ANK3: variants seen among roughly 807,000 people sequenced by gnomAD.
The protein encoded by ANK3 is ankyrin-3.
In ANK3, 57 loss-of-function variants were observed where a neutral mutation model predicts 370.9. That is an observed-to-expected ratio of 0.15 (90% CI 0.12 to 0.19). ANK3 has a LOEUF of 0.19. ANK3 is among the 10% of genes least tolerant of loss of function. ANK3 has a pLI of 1.00. For missense variants in ANK3, 4,439 were observed against 5,302.1 expected (o/e 0.84, Z 5.06); for synonymous variants, 1,929 against 1,946.3 (o/e 0.99, Z 0.23).
At chr10:60,043,253 A>C in intron 42 of ANK3, 1 of 985,654 alleles carries the variant, frequency 1.0e-6, no homozygotes, top group Non-Finnish European at 1.2e-6. Context: ...TCCTCTCTTC[A>C]CTGAGCATCA....
chr10:60,278,098 A>G (rs1384607481), intron 4 of ANK3, among the ~76,000 whole-genome samples: 1 of 152,230 alleles, frequency 6.6e-6, no homozygotes, highest in East Asian at 1.9e-4. Context: ...TAGAAATTCA[A>G]TGAAAGACCA....
intron 2 of ANK3, among the ~76,000 whole-genome samples, chr10:60,542,127 T>C (rs1184357364): frequency 6.6e-6 from 1 of 151,912 alleles, no homozygotes; most frequent in Non-Finnish European, 1.5e-5. Flanking sequence ...GGCTGTAATT[T>C]TTTTTAATCC....
rs560345457 is a variant in ANK3, at chr10:60,542,008, C to T, written c.96+73178G>A. ...CTGAGCTGCCATAGATTAGCGTGCT[C>T]TTAATTTGTAAACTAATTTGTAGTT... On this transcript the variant is annotated intron_variant, in intron 2 of 43. Coordinates refer to the ANK3 transcript ENST00000373827. 3.9e-5 allele frequency among the ~76,000 whole-genome samples: 6 copies of T among 151,960 alleles called. No individual in the cohort carries two copies. In the South Asian group the frequency reaches 1.2e-3, roughly 32 times the overall value.
At chr10:60,330,202 A>G (rs2050886044) in intron 1 of ANK3, among the ~76,000 whole-genome samples, 1 of 152,250 alleles carries the variant, frequency 6.6e-6, no homozygotes, top group Non-Finnish European at 1.5e-5. Context: ...AACCTAGGCA[A>G]TACCATTCAG....
chr10:60,213,887 C>T (rs1380373228), intron 8 of ANK3, among the ~76,000 whole-genome samples: 1 of 152,092 alleles, frequency 6.6e-6, no homozygotes, highest in East Asian at 1.9e-4. Flanking sequence ...GTTCTTTTTC[C>T]ATTCCATTTC....
Position 60,085,265 on chromosome 10 carries a change from A to G in ANK3, c.3749-12T>C, listed in dbSNP as rs1282391354. ...AGGCGAAGTGCCCCCTGAGAGAACA[A>G]CAGCAGATATGTTGACTTTATCATG... On this transcript the variant is annotated splice_polypyrimidine_tract_variant and intron_variant, in intron 30 of 43. Coordinates refer to ENST00000280772, the MANE Select transcript of ANK3 (RefSeq NM_020987.5). 2.5e-6 allele frequency: 4 copies of G among 1,596,862 alleles called. No homozygotes were observed. The highest frequency in any genetic ancestry group is 3.4e-6 in the Non-Finnish European group (4 of 1,168,090).
chr10:60,244,489 T>C (rs2097523912), intron 7 of ANK3, among the ~76,000 whole-genome samples: 1 of 152,256 alleles, frequency 6.6e-6, no homozygotes, highest in Admixed American at 6.5e-5. Context: ...TGCTAATTCT[T>C]ACCACTTGTC....
At chr10:60,454,216 G>C (rs2064686355) in intron 2 of ANK3, among the ~76,000 whole-genome samples, 1 of 151,992 alleles carries the variant, frequency 6.6e-6, no homozygotes, top group South Asian at 2.1e-4. Context: ...AACTTCTCAA[G>C]AACTGTGTCT....
At chr10:60,247,172 C>A (rs753527901) in intron 7 of ANK3, among the ~76,000 whole-genome samples, 3 of 151,934 alleles carry the variant, frequency 2.0e-5, no homozygotes, top group South Asian at 2.1e-4. Flanking sequence ...CCCGCCACCA[C>A]GCCCAGCTAA....
rs547018218 is a variant in ANK3 at position 60,200,098 on chromosome 10, A to G, written c.1491+31T>C. The G allele has an allele frequency of 5.4e-5, 85 of 1,573,200 alleles. No individual in the cohort carries two copies. The South Asian group carries it at 8.6e-4, about 16-fold the overall frequency. Reference sequence around the variant, plus strand: ...ATGAAAATCCAACAGTTTTTCCTCAATTTCAAACACTTGTCAAGTATTGCG... The same window carrying G: ...ATGAAAATCCAACAGTTTTTCCTCAGTTTCAAACACTTGTCAAGTATTGCG... On this transcript the variant is annotated intron_variant, in intron 13 of 43. Coordinates refer to ENST00000280772, the MANE Select transcript of ANK3 (RefSeq NM_020987.5).
intron 18 of ANK3, among the ~76,000 whole-genome samples, chr10:60,178,764 C>A (rs918381211): frequency 1.3e-5 from 2 of 152,192 alleles, no homozygotes; most frequent in Admixed American, 6.5e-5. Context: ...CTCTAAGAAT[C>A]AATGCCTTTC....
rs141555121 is a variant in ANK3 at position 60,071,008 on chromosome 10, G to A, written c.9873C>T (p.Asp3291=). ...TGACAGGTTCAGCCAGCTGGTACTT[G>A]TCATGCTCATCTTGCAGATTGACTT... ...MIEVNLQDEH[D]KYQLAEPVIR... is the part of the protein sequence containing the mutation. Residue 3291 remains aspartate (D), a synonymous_variant, in exon 37 of 44, where the codon GAC becomes GAT. Coordinates refer to ENST00000280772, the MANE Select transcript of ANK3 (RefSeq NM_020987.5). 31 of 1,614,114 alleles carry A rather than the reference G, an allele frequency of 1.9e-5. No homozygotes were observed. The highest frequency in any genetic ancestry group is 2.5e-5 in the Non-Finnish European group (30 of 1,180,020).
intron 1 of ANK3, among the ~76,000 whole-genome samples, chr10:60,304,183 G>A (rs1184798429): frequency 6.6e-6 from 1 of 151,720 alleles, no homozygotes; most frequent in African/African-American, 2.4e-5. Context: ...TTAATACACA[G>A]TAATGTGAAT....
intron 1 of ANK3, among the ~76,000 whole-genome samples, chr10:60,732,293 A>T (rs2080034240): frequency 6.6e-6 from 1 of 152,204 alleles, no homozygotes; most frequent in Middle Eastern, 3.2e-3. Context: ...ACTGTTTCTC[A>T]GGAACCTTTC....
chr10:60,706,647 T>C (rs914589193), intron 1 of ANK3, among the ~76,000 whole-genome samples: 4 of 151,826 alleles, frequency 2.6e-5, no homozygotes, highest in African/African-American at 9.7e-5. Context: ...CTCTTACATC[T>C]CTCCTTCGTA....
At chr10:60,384,676 G>T (rs541956538) in intron 1 of ANK3, among the ~76,000 whole-genome samples, 2 of 152,284 alleles carry the variant, frequency 1.3e-5, no homozygotes, top group South Asian at 2.1e-4. Context: ...TTCTCAAAGG[G>T]TTATTAGGAA....
chr10:60,611,097 C>T (rs1162592264), intron 2 of ANK3, among the ~76,000 whole-genome samples: 2 of 152,102 alleles, frequency 1.3e-5, no homozygotes, highest in Admixed American at 6.5e-5. Flanking sequence ...TTTATTCTTC[C>T]ATATGCAAAT....
At chr10:60,285,136 T>C (rs1593054807) in intron 1 of ANK3, among the ~76,000 whole-genome samples, 1 of 152,112 alleles carries the variant, frequency 6.6e-6, no homozygotes, top group Non-Finnish European at 1.5e-5. Context: ...TTCTACCTCT[T>C]AGTGTTTGGT....
intron 2 of ANK3, among the ~76,000 whole-genome samples, chr10:60,405,341 A>T (rs181226318): frequency 6.6e-6 from 1 of 152,096 alleles, no homozygotes; most frequent in East Asian, 1.9e-4. Context: ...GAAGGAAAAA[A>T]CCCCTACTGT....
Sources: gnomAD v4.1 joint callset for allele counts (sites outside exome capture counted in the v4.1 genomes callset) on GRCh38, gnomAD v4.1.1 for gene constraint, MANE v1.5 for transcripts, NCBI Gene and HGNC (gene_info 2026-07-23, HGNC 2026-07-21) for gene names.